The following PANK1 variants were observed in gnomAD, a reference collection of about 807,000 sequenced individuals.
PANK1 encodes pantothenic acid kinase 1.
A neutral mutation model predicts 40.1 loss-of-function variants in PANK1; 18 were observed. That is an observed-to-expected ratio of 0.45 (90% CI 0.31 to 0.67). PANK1 has a LOEUF of 0.67. Among genes scored for constraint, PANK1 ranks in the 30% least tolerant of loss-of-function variants. PANK1 has a pLI of 0.06. For synonymous variants in PANK1, 242 were observed against 237.7 expected (o/e 1.02, Z -0.17); for missense variants, 457 against 599.6 (o/e 0.76, Z 2.48).
downstream of PANK1, chr10:89,579,506 G>T (rs1165682999): frequency 6.6e-6 from 1 of 152,050 alleles, no homozygotes; most frequent in African/African-American, 2.4e-5. Context: ...ATTATTTTAC[G>T]TGATAACTTT....
At chr10:89,643,914 T>C in intron 1 of PANK1, 1 of 1,356,678 alleles carries the variant, frequency 7.4e-7, no homozygotes, top group Non-Finnish European at 9.6e-7. Flanking sequence ...ACATTACAAT[T>C]ACAAACCCTC....
At chr10:89,633,498 T>G (rs1260153826) in intron 1 of PANK1, among the ~76,000 whole-genome samples, 2 of 151,868 alleles carry the variant, frequency 1.3e-5, no homozygotes, top group Non-Finnish European at 2.9e-5. Context: ...AACTTCCTAG[T>G]ATGGAACACC....
At chr10:89,604,692 C>CAAAAAAA (rs34373242) in intron 2 of PANK1, among the ~76,000 whole-genome samples, 68 of 79,972 alleles carry the variant, frequency 8.5e-4, no homozygotes, top group African/African-American at 3.2e-3. Flanking sequence ...AACTCCGTCT[C>CAAAAAAA]AAAAAAAAAA....
intron 1 of PANK1, among the ~76,000 whole-genome samples, chr10:89,640,684 T>TAC (rs1214675936): frequency 2.0e-5 from 3 of 152,194 alleles, no homozygotes; most frequent in Non-Finnish European, 2.9e-5. Context: ...TTAACATATA[T>TAC]ACACACAAAA....
chr10:89,587,261 G>A (rs967923248), intron 6 of PANK1, among the ~76,000 whole-genome samples: 3 of 152,176 alleles, frequency 2.0e-5, no homozygotes, highest in African/African-American at 4.8e-5. Flanking sequence ...AAGCACTTCT[G>A]TTCTTACCAG....
intron 2 of PANK1, among the ~76,000 whole-genome samples, chr10:89,607,559 C>T (rs1259915551): frequency 1.3e-5 from 2 of 152,142 alleles, no homozygotes; most frequent in African/African-American, 2.4e-5. Flanking sequence ...AGGGTTAACA[C>T]AAACCTTCAA....
chr10:89,620,935 T>C (rs1845465963), intron 1 of PANK1, among the ~76,000 whole-genome samples: 1 of 152,180 alleles, frequency 6.6e-6, no homozygotes, highest in African/African-American at 2.4e-5. Flanking sequence ...CCCGATACAC[T>C]TCAAAGATAT....
chr10:89,602,302 C>T (rs1054459405), intron 2 of PANK1, among the ~76,000 whole-genome samples: 1 of 152,226 alleles, frequency 6.6e-6, no homozygotes, highest in Non-Finnish European at 1.5e-5. Context: ...AAATTATTTT[C>T]TAACAAAGTG....
intron 1 of PANK1, among the ~76,000 whole-genome samples, chr10:89,617,813 T>C (rs1436086440): frequency 6.6e-6 from 1 of 152,182 alleles, no homozygotes; most frequent in Non-Finnish European, 1.5e-5. Flanking sequence ...ATTCTTGGTA[T>C]ATGGAAATAA....
downstream of PANK1, chr10:89,582,764 A>G (rs527649936): frequency 6.6e-6 from 1 of 152,328 alleles, no homozygotes; most frequent in East Asian, 1.9e-4. Context: ...GTTGGCATTA[A>G]GGAGTCACTT....
Position 89,611,900 on chromosome 10 carries a change from C to T in PANK1, c.441G>A (p.Gly147=). The T allele has an allele frequency of 5.6e-6, 9 of 1,614,188 alleles. No homozygotes were observed. Among genetic ancestry groups the T allele is most frequent in the Non-Finnish European group, 6.8e-6 (8 of 1,180,028 alleles). The change falls in exon 2 of 7, where the codon GGG becomes GGA. Residue 147 remains glycine, a synonymous_variant. Coordinates refer to ENST00000307534, the MANE Select transcript of PANK1 (RefSeq NM_148977.3). ...GGTGGACGTCTCGGATCCCAGTTTT[C>T]CCATAAGCAGTATTAGAAGTCAAAT... ...RKYLTSNTAY[G]KTGIRDVHLE...
downstream of PANK1, chr10:89,580,683 G>A (rs1844035282): frequency 6.6e-6 from 1 of 152,348 alleles, no homozygotes; most frequent in Admixed American, 6.5e-5. Context: ...CTTCTGGGTA[G>A]AGGCCACTAC....
intron 5 of PANK1, among the ~76,000 whole-genome samples, chr10:89,591,647 C>T (rs7907626): frequency 0.61 from 93,171 of 151,982 alleles, 29,084 homozygotes; most frequent in East Asian, 0.93. Flanking sequence ...GAGCCTTGGC[C>T]CCAAGGCGAC....
In PANK1 at chr10:89,645,115, T is replaced by C. The variant is rs1842079056; in HGVS notation, c.-224A>G. The stretch of plus-strand genomic sequence containing the variant: ...GCGCGCCGGCCCCACGGCGCCGGCC[T>C]GGAGCACGCCAGCCCCGGGCGCGGA... On this transcript the variant is annotated 5_prime_UTR_variant, in exon 1 of 7. Transcript: ENST00000307534. The C allele has an allele frequency of 6.7e-7, 1 of 1,490,854 alleles. No individual in the cohort carries two copies. 92.4% of individuals were successfully genotyped at this position (1,490,854 alleles called of 1,614,324 possible).
rs527357115 is a variant in PANK1, at chr10:89,612,023, G to A, written c.318C>T (p.Ile106=). The change falls in exon 2 of 7, where the codon ATC becomes ATT. Residue 106 remains isoleucine, a synonymous_variant. Transcript: ENST00000307534. The stretch of plus-strand genomic sequence containing the variant: ...ACACCAATTTAACCAGCGTTCCACC[G>A]ATGTCCATGCCAAACCATGGGAATG... ...RPPFPWFGMD[I]GGTLVKLVYF... is the part of the protein sequence containing the mutation. 2.4e-5 allele frequency: 39 copies of A among 1,613,540 alleles called. No individual in the cohort carries two copies. Among genetic ancestry groups the A allele is most frequent in the Middle Eastern group, 1.6e-4 (1 of 6,062 alleles).
intron 1 of PANK1, among the ~76,000 whole-genome samples, chr10:89,629,055 A>T (rs1262541578): frequency 6.6e-6 from 1 of 152,264 alleles, no homozygotes; most frequent in Non-Finnish European, 1.5e-5. Flanking sequence ...AAACCAGGAA[A>T]GCAAGTCTGT....
At chr10:89,601,717 A>T (rs550815044) in intron 2 of PANK1, among the ~76,000 whole-genome samples, 2 of 152,254 alleles carry the variant, frequency 1.3e-5, no homozygotes, top group Non-Finnish European at 1.5e-5. Context: ...GGTGCTAAGT[A>T]AATCTACCTC....
At chr10:89,593,380 C>T (rs1844463231) in intron 4 of PANK1, 60 bp from the exon 5 acceptor site, 1 of 1,577,852 alleles carries the variant, frequency 6.3e-7, no homozygotes, top group Non-Finnish European at 8.6e-7. Context: ...CCCATCCTTC[C>T]ACCAAAGTAT....
At chr10:89,595,226 A>G (rs1190090398) in intron 3 of PANK1, among the ~76,000 whole-genome samples, 1 of 151,960 alleles carries the variant, frequency 6.6e-6, no homozygotes, top group East Asian at 1.9e-4. Context: ...TGAGACAGGC[A>G]AATTACTTGA....
Sources: allele counts gnomAD v4.1 joint callset (sites outside exome capture counted in the v4.1 genomes callset), GRCh38; gene constraint gnomAD v4.1.1; transcripts MANE v1.5; gene names NCBI Gene and HGNC (gene_info 2026-07-23, HGNC 2026-07-21).